ACBD4: variants seen among roughly 807,000 people sequenced by gnomAD.
ACBD4 encodes the protein acyl-CoA-binding domain-containing protein 4.
A neutral mutation model predicts 46.0 loss-of-function variants in ACBD4; 41 were observed. That is an observed-to-expected ratio of 0.89 (90% CI 0.69 to 1.16). ACBD4 has a LOEUF of 1.16. ACBD4 is among the 50% of genes most tolerant of loss of function. The pLI, the probability that ACBD4 is intolerant of heterozygous loss-of-function variation, is 0.00. For missense variants in ACBD4, 393 were observed against 399.5 expected (o/e 0.98, Z 0.14); for synonymous variants, 162 against 155.9 (o/e 1.04, Z -0.29).
At chr17:45,139,534 G>T (rs2055131166) in intron 9 of ACBD4, among the ~76,000 whole-genome samples, 1 of 152,152 alleles carries the variant, frequency 6.6e-6, no homozygotes, top group South Asian at 2.1e-4. Flanking sequence ...GCCCCAAATG[G>T]TTCAGCCCTT....
chr17:45,137,467 G>A lies in ACBD4; in HGVS notation c.502+13G>A, dbSNP rs1244367783. On this transcript the variant is annotated intron_variant, in intron 6 of 9. Coordinates refer to ENST00000321854, the MANE Select transcript of ACBD4 (RefSeq NM_001135705.3). ...CCCCCAAGCCCAGGTTAGTGCTTGA[G>A]CAGGAGGGGTGGACCAAACTCAGGC... The A allele has an allele frequency of 6.2e-7, 1 of 1,613,934 alleles. No individual in the cohort carries two copies. Among genetic ancestry groups the A allele is most frequent in the Admixed American group, 1.7e-5 (1 of 60,018 alleles).
At chr17:45,132,123 C>T (rs540382037), upstream of ACBD4, 223 of 1,066,872 alleles carry the variant, frequency 2.1e-4, no homozygotes, top group African/African-American at 3.4e-3. The surrounding 1 kb of genome is among the most constrained non-coding windows in gnomAD (Gnocchi z 4.6). Flanking sequence ...TGGCCCTCCG[C>T]CCCTAGCCAT....
At position 45,136,156 on chromosome 17, in the gene ACBD4, G is replaced by A. The variant is rs758757918; in HGVS notation, c.12G>A (p.Glu4=). ...GGGCTCGCAGCAGCATGGGCACCGAGAAAGAAAGCCCAGAGCCCGACTGCC... is the reference window on the plus strand; with the variant it reads ...GGGCTCGCAGCAGCATGGGCACCGAAAAAGAAAGCCCAGAGCCCGACTGCC... The part of the protein sequence containing the change: MGT[E]KESPEPDCQK... The change falls in exon 2 of 10, where the codon GAG becomes GAA. Residue 4 remains glutamate, a synonymous_variant. Coordinates refer to ENST00000321854, the MANE Select transcript of ACBD4 (RefSeq NM_001135705.3). 3 of 1,613,496 alleles carry A rather than the reference G, an allele frequency of 1.9e-6. No homozygotes were observed. The highest frequency in any genetic ancestry group is 2.2e-5 in the East Asian group (1 of 44,884).
At chr17:45,138,251 C>A in intron 8 of ACBD4, 1 of 570,050 alleles carries the variant, frequency 1.8e-6, no homozygotes, top group South Asian at 2.1e-5. Context: ...GGATGGGAGT[C>A]CTAGCCCAGT....
intron 2 of ACBD4, 97 bp downstream of exon 2, chr17:45,136,329 C>G: frequency 6.5e-7 from 1 of 1,543,116 alleles, no homozygotes; most frequent in Non-Finnish European, 8.9e-7. Context: ...TTTTTGCAGA[C>G]AAGCCCCTGC....
Position 45,136,591 on chromosome 17 carries a change from GTTCT to G in ACBD4, c.181_184del (p.Phe61GlyfsTer18). The G allele has an allele frequency of 6.2e-7, 1 of 1,613,962 alleles. No individual in the cohort carries two copies. Among genetic ancestry groups the G allele is most frequent in the Non-Finnish European group, 8.5e-7 (1 of 1,179,968 alleles). On this transcript the variant is annotated frameshift_variant, in exon 3 of 10. Transcript: ENST00000321854. LOFTEE classifies it high-confidence loss of function. ...GGCCCTGCCTGGTCCCCCGGCCCGG[GTTCT>G]GGGACCCCATTGGACGATATAAGTG...
At chr17:45,136,372 A>G (rs951646357) in intron 2 of ACBD4, 128 bp from the exon 3 acceptor site, 182 of 1,455,664 alleles carry the variant, frequency 1.3e-4, no homozygotes, top group Non-Finnish European at 1.6e-4. Context: ...TCCGCTTCCT[A>G]TCCTAGTCCA....
At chr17:45,135,408 T>A (rs2143738052), upstream of ACBD4, 1 of 152,312 alleles carries the variant, frequency 6.6e-6, no homozygotes, top group Admixed American at 6.5e-5. Flanking sequence ...AGCGAACAGA[T>A]GCGGATTTCC....
chr17:45,132,362 G>A, upstream of ACBD4: 3 of 1,229,812 alleles, frequency 2.4e-6, no homozygotes, highest in Non-Finnish European at 3.0e-6. The surrounding 1 kb of genome is among the most constrained non-coding windows in gnomAD (Gnocchi z 4.6). Flanking sequence ...GCGGCCACCG[G>A]GGGCTCCTCG....
At chr17:45,140,169 GTTT>G (rs201542915) in intron 9 of ACBD4, among the ~76,000 whole-genome samples, 1 of 142,996 alleles carries the variant, frequency 7.0e-6, no homozygotes, top group Non-Finnish European at 1.5e-5. Context: ...CTTTTCTTCT[GTTT>G]TTTTTTTTTT....
At chr17:45,140,489 T>C (rs1172467193) in intron 9 of ACBD4, among the ~76,000 whole-genome samples, 1 of 148,696 alleles carries the variant, frequency 6.7e-6, no homozygotes. Context: ...CCCCCTTTTC[T>C]TTTTTTCCTA....
chr17:45,136,021 T>C, intron 1 of ACBD4, 68 bp downstream of exon 1: 1 of 947,924 alleles, frequency 1.1e-6, no homozygotes, highest in Non-Finnish European at 1.6e-6. Flanking sequence ...CTAAAGAGCT[T>C]AGTTTGCCCC....
chr17:45,136,794 T>C lies in ACBD4; in HGVS notation c.294+18T>C, dbSNP rs1252253796. ...CACAGAAGGTAAGGGCTGCAGGTTC[T>C]CTGTCCCCAGGCTCCTGGCCAGGTG... On this transcript the variant is annotated intron_variant, in intron 4 of 9. Transcript: ENST00000321854. 2 of 1,612,492 alleles carry C rather than the reference T, an allele frequency of 1.2e-6. No individual in the cohort carries two copies. Among genetic ancestry groups the C allele is most frequent in the African/African-American group, 1.3e-5 (1 of 74,972 alleles).
intron 8 of ACBD4, 117 bp from the exon 9 acceptor site, chr17:45,138,902 TTG>T (rs1382737377): frequency 9.1e-7 from 1 of 1,102,678 alleles, no homozygotes; most frequent in Non-Finnish European, 1.3e-6. Context: ...AGAATCACAC[TTG>T]GTACAGCGAC....
upstream of ACBD4, chr17:45,132,132 A>G (rs1368568683): frequency 3.6e-6 from 4 of 1,116,862 alleles, no homozygotes; most frequent in South Asian, 1.4e-4. The surrounding 1 kb of genome is among the most constrained non-coding windows in gnomAD (Gnocchi z 4.6). Context: ...GCCCCTAGCC[A>G]TAGCCTCCCA....
Position 45,143,544 on chromosome 17 carries a change from C to T in ACBD4, c.891C>T (p.Phe297=). 2 of 1,614,132 alleles carry T rather than the reference C, an allele frequency of 1.2e-6. No individual in the cohort carries two copies. The highest frequency in any genetic ancestry group is 1.7e-6 in the Non-Finnish European group (2 of 1,180,022). ...GGCCCTTCGTCGTCCAGTGGCTCTT[C>T]CGAATGTTTCGGACCCAAAAGAGGT... ...LLWPFVVQWL[F]RMFRTQKR Residue 297 remains phenylalanine (F), a synonymous_variant, in exon 10 of 10, where the codon TTC becomes TTT. Coordinates refer to ENST00000321854, the MANE Select transcript of ACBD4 (RefSeq NM_001135705.3).
In ACBD4 at chr17:45,143,708, G is replaced by T. The variant is rs1384697263; in HGVS notation, c.*137G>T. 31 of 1,456,182 alleles carry T rather than the reference G, an allele frequency of 2.1e-5. No homozygotes were observed. Among genetic ancestry groups the T allele is most frequent in the Non-Finnish European group, 2.7e-5 (29 of 1,065,448 alleles). 90.2% of individuals were successfully genotyped at this position (1,456,182 alleles called of 1,614,324 possible). ...TTCGCACCTCCTCCCCTAAAGCAGCGCGGGGGGCAAATAAGACCCCACCCC... is the reference window on the plus strand; with the variant it reads ...TTCGCACCTCCTCCCCTAAAGCAGCTCGGGGGGCAAATAAGACCCCACCCC... On this transcript the variant is annotated 3_prime_UTR_variant, in exon 10 of 10. Coordinates refer to ENST00000321854, the MANE Select transcript of ACBD4 (RefSeq NM_001135705.3).
chr17:45,135,840 A>T lies in ACBD4; in HGVS notation c.-151A>T. 6.3e-6 allele frequency: 2 copies of T among 319,360 alleles called. No individual in the cohort carries two copies. Among genetic ancestry groups the T allele is most frequent in the Non-Finnish European group, 1.2e-5 (2 of 167,164 alleles). 19.8% of individuals were successfully genotyped at this position (319,360 alleles called of 1,614,324 possible). The stretch of plus-strand genomic sequence containing the variant: ...TATCTTGTTTCTCCACCTGTTCGGG[A>T]GTTGGAGATGTGCACCTAAAGGAGG... On this transcript the variant is annotated 5_prime_UTR_variant, in exon 1 of 10. Coordinates refer to ENST00000321854, the MANE Select transcript of ACBD4 (RefSeq NM_001135705.3).
rs202115808 is a variant in ACBD4 at position 45,137,853 on chromosome 17, C to G, written c.573+23C>G. On this transcript the variant is annotated intron_variant, in intron 7 of 9. Transcript: ENST00000321854. ...CTGGTGAGCCCAGTCCCCATTCCCC[C>G]CTTTTCCCACCCCACTGTGCTCCCA... 2.2e-4 allele frequency: 349 copies of G among 1,612,908 alleles called. 3 individuals are homozygous for G. The highest frequency in any genetic ancestry group is 1.0e-3 in the East Asian group (47 of 44,864).
Sources: gnomAD v4.1 joint callset for allele counts (sites outside exome capture counted in the v4.1 genomes callset) on GRCh38, gnomAD v4.1.1 for gene constraint, Gnocchi (gnomAD v3.1) non-coding constraint, MANE v1.5 for transcripts, NCBI Gene and HGNC (gene_info 2026-07-23, HGNC 2026-07-21) for gene names.